The following CYLC2 variants were observed in gnomAD, a reference collection of about 807,000 sequenced individuals.
The protein encoded by CYLC2 is cylicin 2, also known as cylicin-2.
In CYLC2, 30 loss-of-function variants were observed where a neutral mutation model predicts 26.1. That is an observed-to-expected ratio of 1.15 (90% CI 0.86 to 1.56). The LOEUF is 1.56. CYLC2 is among the 40% of genes most tolerant of loss of function. The probability of loss-of-function intolerance (pLI) is 0.00; values close to 1 mark genes in which losing one functional copy is unlikely to be tolerated. For missense variants in CYLC2, 498 were observed against 394.4 expected, an observed-to-expected ratio of 1.26 and a Z score of -2.23; for synonymous variants, 158 against 132.8, an observed-to-expected ratio of 1.19 and a Z score of -1.31.
chr9:103,001,289 CA>C (rs76100142), intron 1 of CYLC2, among the ~76,000 whole-genome samples: 112,444 of 150,734 alleles, frequency 0.75, 42,447 homozygotes, highest in East Asian at 1. Context: ...TATACACACA[CA>C]ATACATATAA....
In CYLC2 at chr9:103,005,200, A is replaced by G. The variant is rs910177229; in HGVS notation, c.569A>G (p.Lys190Arg). 3 of 1,607,862 alleles carry G rather than the reference A, an allele frequency of 1.9e-6. No individual in the cohort carries two copies. Among genetic ancestry groups the G allele is most frequent in the Non-Finnish European group, 2.5e-6 (3 of 1,178,450 alleles). Reference sequence around the variant, plus strand: ...AAAGGAGGTGCAAAGAAAGATAACAAAAAAGATAAAAAGGATTCAAACAAA... The same window carrying G: ...AAAGGAGGTGCAAAGAAAGATAACAGAAAAGATAAAAAGGATTCAAACAAA... ...DEKGGAKKDN[K>R]KDKKDSNKGK... The change falls in exon 5 of 8, where the codon AAA becomes AGA. Residue 190 changes from lysine to arginine, a missense_variant. By Grantham distance (26) the Lys-to-Arg change is conservative. Coordinates refer to ENST00000374798, the MANE Select transcript of CYLC2 (RefSeq NM_001340.5).
At chr9:103,014,126 T>A (rs1829457349) in intron 6 of CYLC2, among the ~76,000 whole-genome samples, 1 of 119,880 alleles carries the variant, frequency 8.3e-6, no homozygotes, top group Admixed American at 9.6e-5. Context: ...TTTTATATTA[T>A]ATTATAATAT....
chr9:103,014,480 G>C (rs1042656835), intron 6 of CYLC2, among the ~76,000 whole-genome samples: 3 of 128,608 alleles, frequency 2.3e-5, no homozygotes, highest in Non-Finnish European at 4.9e-5. Context: ...TACATAATAT[G>C]TATATTATGC....
intron 1 of CYLC2, 110 bp from the exon 2 acceptor site, chr9:103,001,468 G>C (rs10990418): frequency 1.5e-6 from 1 of 669,468 alleles, no homozygotes; most frequent in South Asian, 1.7e-5. Context: ...ATCTGAGATT[G>C]TGAAATATTT....
intron 6 of CYLC2, among the ~76,000 whole-genome samples, chr9:103,016,342 A>G (rs1040367595): frequency 7.2e-5 from 11 of 151,966 alleles, no homozygotes; most frequent in African/African-American, 2.7e-4. Context: ...GTTCAGCACA[A>G]TGCTCCAGGA....
intron 6 of CYLC2, among the ~76,000 whole-genome samples, chr9:103,015,814 T>C (rs1031115463): frequency 2.0e-5 from 3 of 150,416 alleles, no homozygotes; most frequent in African/African-American, 4.9e-5. Context: ...TATCTTGTTT[T>C]GTCCCCAAAA....
intron 6 of CYLC2, among the ~76,000 whole-genome samples, 200 bp downstream of exon 6, chr9:103,012,297 GCCCCTGGCCTCC>G (rs1829415707): frequency 6.6e-6 from 1 of 151,838 alleles, no homozygotes; most frequent in Non-Finnish European, 1.5e-5. Flanking sequence ...AACATACACA[GCCCCTGGCCTCC>G]TTTCAGTCAT....
At chr9:103,018,086 G>A (rs1587857749) in intron 7 of CYLC2, among the ~76,000 whole-genome samples, 1 of 151,976 alleles carries the variant, frequency 6.6e-6, no homozygotes, top group Non-Finnish European at 1.5e-5. Flanking sequence ...TATGAGATCA[G>A]TTTTTTAGTT....
At chr9:103,013,562 T>C (rs1488879607) in intron 6 of CYLC2, among the ~76,000 whole-genome samples, 1 of 113,324 alleles carries the variant, frequency 8.8e-6, no homozygotes, top group African/African-American at 3.6e-5. Context: ...TTAATATATG[T>C]ATATCTTACA....
chr9:103,003,334 G>T, intron 3 of CYLC2, 71 bp downstream of exon 3: 3 of 1,304,486 alleles, frequency 2.3e-6, no homozygotes, highest in Non-Finnish European at 2.1e-6. Flanking sequence ...ACCATAATAA[G>T]TAATTATAAT....
chr9:103,004,985 T>C lies in CYLC2; in HGVS notation c.354T>C (p.Gly118=), dbSNP rs1436605145. The change falls in exon 5 of 8, where the codon GGT becomes GGC. Residue 118 remains glycine, a synonymous_variant. Coordinates refer to ENST00000374798, the MANE Select transcript of CYLC2 (RefSeq NM_001340.5). Reference sequence around the variant, plus strand: ...TATCCCCAGAAATTGGTAAGAAAGGTGAAGACAAGACAACACAGAAGGACA... The same window carrying C: ...TATCCCCAGAAATTGGTAAGAAAGGCGAAGACAAGACAACACAGAAGGACA... ...DSKAAEIGKK[G]EDKTTQKDTT... is the part of the protein sequence containing the mutation. 2 of 1,580,688 alleles carry C rather than the reference T, an allele frequency of 1.3e-6. No homozygotes were observed. The highest frequency in any genetic ancestry group is 1.7e-6 in the Non-Finnish European group (2 of 1,171,816).
intron 1 of CYLC2, among the ~76,000 whole-genome samples, chr9:102,997,494 C>T (rs1051839231): frequency 2.0e-5 from 3 of 151,896 alleles, no homozygotes; most frequent in Non-Finnish European, 4.4e-5. Flanking sequence ...GGCAGTTGAC[C>T]TTGCCTTTAC....
At chr9:103,010,559 G>C (rs1359168193) in intron 5 of CYLC2, 1 of 152,034 alleles carries the variant, frequency 6.6e-6, no homozygotes, top group Non-Finnish European at 1.5e-5. Context: ...TTAGACTGTG[G>C]TTATGTAGTG....
chr9:103,003,365 G>A (rs1217334723), intron 3 of CYLC2, 102 bp downstream of exon 3: 2 of 1,053,556 alleles, frequency 1.9e-6, no homozygotes, highest in Non-Finnish European at 2.7e-6. Flanking sequence ...TAATCACTAA[G>A]TAGTAAGCTT....
At chr9:103,009,997 A>G (rs920561402) in intron 5 of CYLC2, among the ~76,000 whole-genome samples, 92 of 148,462 alleles carry the variant, frequency 6.2e-4, no homozygotes, top group Middle Eastern at 3.6e-3. Context: ...ATGTATGTGT[A>G]TATATATATA....
At chr9:102,998,372 T>C (rs1261845912) in intron 1 of CYLC2, among the ~76,000 whole-genome samples, 1 of 151,942 alleles carries the variant, frequency 6.6e-6, no homozygotes, top group East Asian at 1.9e-4. Context: ...AAATAAGGGA[T>C]ATACTAAGTT....
intron 1 of CYLC2, among the ~76,000 whole-genome samples, chr9:102,999,236 A>C (rs185811715): frequency 6.6e-6 from 1 of 151,838 alleles, no homozygotes; most frequent in Admixed American, 6.6e-5. Flanking sequence ...AATTTTCCTA[A>C]ATTTTTATCT....
Position 103,001,567 on chromosome 9 carries a change from T to C in CYLC2, c.18-11T>C. On this transcript the variant is annotated splice_polypyrimidine_tract_variant and intron_variant, in intron 1 of 7. Transcript: ENST00000374798. ...TAAATTAACTAAAACCTTTCTTTTT[T>C]GTTTTAATAGCCAAAGAGTAAACTT... 1 of 1,315,854 alleles carries C rather than the reference T, an allele frequency of 7.6e-7. No individual in the cohort carries two copies. The highest frequency in any genetic ancestry group is 1.0e-6 in the Non-Finnish European group (1 of 955,852). 81.5% of individuals were successfully genotyped at this position (1,315,854 alleles called of 1,614,324 possible).
At chr9:103,011,901 T>C (rs1464307078) in intron 5 of CYLC2, 81 bp from the exon 6 acceptor site, 1 of 151,624 alleles carries the variant, frequency 6.6e-6, no homozygotes, top group African/African-American at 2.4e-5. Context: ...AACATGTATC[T>C]TTGTCAAATC....
Sources: gnomAD v4.1 joint callset for allele counts (sites outside exome capture counted in the v4.1 genomes callset) on GRCh38, gnomAD v4.1.1 for gene constraint, MANE v1.5 for transcripts, NCBI Gene and HGNC (gene_info 2026-07-23, HGNC 2026-07-21) for gene names.